Variants in NKX2-1 observed in about 807,000 individuals in gnomAD.
NKX2-1 encodes NK2 homeobox 1.
A neutral mutation model predicts 35.1 loss-of-function variants in NKX2-1; 9 were observed. The observed-to-expected ratio is 0.26, with a 90% CI of 0.15 to 0.45. The LOEUF (loss-of-function observed/expected upper bound fraction) is 0.45. NKX2-1 is among the 20% of genes least tolerant of loss of function. NKX2-1 has a pLI of 1.00. For missense variants in NKX2-1, 509 were observed against 589.1 expected (o/e 0.86, Z 1.41); for synonymous variants, 284 against 269.9 (o/e 1.05, Z -0.51).
chr14:36,518,157 A>G (rs1310909937), intron 2 of NKX2-1, 137 bp from the exon 3 acceptor site: 1 of 1,245,830 alleles, frequency 8.0e-7, no homozygotes, highest in Non-Finnish European at 1.1e-6. Context: ...CTGGGGCCCA[A>G]GAGGCCCATC....
Position 36,518,992 on chromosome 14 carries a change from G to A in NKX2-1, c.456C>T (p.Phe152=), listed in dbSNP as rs1293166168. 3.2e-6 allele frequency: 5 copies of A among 1,559,284 alleles called. No homozygotes were observed. The highest frequency in any genetic ancestry group is 4.3e-6 in the Non-Finnish European group (5 of 1,157,480). Residue 152 remains phenylalanine (F), a synonymous_variant, in exon 2 of 3, where the codon TTC becomes TTT. Coordinates refer to ENST00000354822, the MANE Select transcript of NKX2-1 (RefSeq NM_001079668.3). The part of the protein sequence containing the change: ...GWYGANPDPR[F]PAISRFMGPA... ...TGGGGCGGCCTCACTTACTGGCGGGGAAGCGCGGGTCTGGGTTGGCGCCGT... is the reference window on the plus strand; with the variant it reads ...TGGGGCGGCCTCACTTACTGGCGGGAAAGCGCGGGTCTGGGTTGGCGCCGT...
chr14:36,518,244 G>T (rs1881145846), intron 2 of NKX2-1, among the ~76,000 whole-genome samples: 1 of 152,126 alleles, frequency 6.6e-6, no homozygotes, highest in South Asian at 2.1e-4. Context: ...CCCCAACCCT[G>T]GCTGCCCTCC....
Position 36,517,683 on chromosome 14 carries a change from C to A in NKX2-1, c.801G>T (p.Gly267=). 3 of 1,562,552 alleles carry A rather than the reference C, an allele frequency of 1.9e-6. No homozygotes were observed. Among genetic ancestry groups the A allele is most frequent in the Non-Finnish European group, 2.6e-6 (3 of 1,154,968 alleles). Reference sequence around the variant, plus strand: ...GCGGGCACCCGGTGCCCCCGCCGCCCCCGCCGCCGCCGCTGTCCTGCTGCA... The same window carrying A: ...GCGGGCACCCGGTGCCCCCGCCGCCACCGCCGCCGCCGCTGTCCTGCTGCA... The part of the protein sequence containing the change: ...QQLQQDSGGG[G]GGGGTGCPQQ... The change falls in exon 3 of 3, where the codon GGG becomes GGT. Residue 267 remains glycine (G), a synonymous_variant. Coordinates refer to ENST00000354822, the MANE Select transcript of NKX2-1 (RefSeq NM_001079668.3).
At chr14:36,518,058 G>T in intron 2 of NKX2-1, 38 bp from the exon 3 acceptor site, 1 of 1,590,638 alleles carries the variant, frequency 6.3e-7, no homozygotes, top group Non-Finnish European at 8.5e-7. Flanking sequence ...CCGGGGCCAG[G>T]CCGAGCCAGG....
In NKX2-1 at chr14:36,517,102, AAAAG is replaced by A. The variant is rs1881059585; in HGVS notation, c.*172_*175del. On this transcript the variant is annotated 3_prime_UTR_variant, in exon 3 of 3. Transcript: ENST00000354822. ...AACCCACAAATTTTAGGGGGGGAAA[AAAAG>A]AAAGACGTCCAGCAGTTTGGCCTTT... 5.7e-6 allele frequency: 4 copies of A among 697,510 alleles called. 1 individual carries two copies. Among genetic ancestry groups the A allele is most frequent in the South Asian group, 5.4e-5 (2 of 36,744 alleles). 43.2% of individuals were successfully genotyped at this position (697,510 alleles called of 1,614,324 possible).
rs1002992360 is a variant in NKX2-1 at position 36,516,540 on chromosome 14, T to C, written c.*738A>G. The C allele has an allele frequency of 2.1e-5, 5 of 232,952 alleles. No homozygotes were observed. Among genetic ancestry groups the C allele is most frequent in the Admixed American group, 1.7e-4 (3 of 17,760 alleles). The allele number at this position is 232,952 out of a possible 1,614,324, so 14.4% of individuals were successfully genotyped here. A position where few individuals can be genotyped will look rare whatever the true frequency, so the allele number is the denominator to read the frequency against. ...CAAACTGCCAAATAATATACACAGA[T>C]TTGTCAATGCCCATAAAAAATGTGA... On this transcript the variant is annotated 3_prime_UTR_variant, in exon 3 of 3. Coordinates refer to ENST00000354822, the MANE Select transcript of NKX2-1 (RefSeq NM_001079668.3).
intron 1 of NKX2-1, chr14:36,519,592 A>C (rs1396227457): frequency 2.7e-5 from 42 of 1,533,660 alleles, no homozygotes; most frequent in Non-Finnish European, 3.5e-6. Flanking sequence ...TTAGGCAGCC[A>C]CCAGAGGCGG....
intron 1 of NKX2-1, among the ~76,000 whole-genome samples, 168 bp downstream of exon 1, chr14:36,519,885 G>A (rs1211763849): frequency 1.3e-5 from 2 of 152,134 alleles, no homozygotes; most frequent in African/African-American, 2.4e-5. Context: ...AGGTGGGGTG[G>A]GGGAGTAACA....
rs1566614683 is a variant in NKX2-1 at position 36,517,258 on chromosome 14, A to G, written c.*20T>C. On this transcript the variant is annotated 3_prime_UTR_variant, in exon 3 of 3. Coordinates refer to ENST00000354822, the MANE Select transcript of NKX2-1 (RefSeq NM_001079668.3). ...AAGCGGTGAGGCAGAGCGCTGGGCT[A>G]GGGCCGGCCCGGCGTCCTCTCACCA... 2 of 1,590,288 alleles carry G rather than the reference A, an allele frequency of 1.3e-6. No homozygotes were observed. Among genetic ancestry groups the G allele is most frequent in the East Asian group, 2.3e-5 (1 of 44,022 alleles).
intron 1 of NKX2-1, chr14:36,519,819 G>A: frequency 1.4e-6 from 2 of 1,383,464 alleles, no homozygotes; most frequent in Non-Finnish European, 1.9e-6. Context: ...AGCGGAGCGC[G>A]GGGAGGAGGT....
At chr14:36,519,915 G>T in intron 1 of NKX2-1, 138 bp downstream of exon 1, 1 of 1,340,600 alleles carries the variant, frequency 7.5e-7, no homozygotes, top group Non-Finnish European at 1.0e-6. Context: ...AGATGGTTGA[G>T]AGGAAGGAAG....
At chr14:36,519,533 G>T in intron 1 of NKX2-1, 163 bp from the exon 2 acceptor site, 1 of 1,535,862 alleles carries the variant, frequency 6.5e-7, no homozygotes, top group Non-Finnish European at 8.7e-7. Flanking sequence ...ATTGGCTTGA[G>T]TGGAGGCTCG....
At chr14:36,518,164 C>A in intron 2 of NKX2-1, 144 bp from the exon 3 acceptor site, 1 of 1,192,244 alleles carries the variant, frequency 8.4e-7, no homozygotes, top group Non-Finnish European at 1.2e-6. Flanking sequence ...CCAAGAGGCC[C>A]ATCCGCGGGG....
chr14:36,517,673 C>T lies in NKX2-1; in HGVS notation c.811G>A (p.Gly271Ser), dbSNP rs759694790. 1.9e-6 allele frequency: 3 copies of T among 1,552,574 alleles called. No individual in the cohort carries two copies. The African/African-American group carries it at 4.1e-5, about 21-fold the overall frequency. Residue 271 changes from glycine (G) to serine (S), a missense_variant, in exon 3 of 3, where the codon GGC becomes AGC. By Grantham distance (56) the Gly-to-Ser change is moderately conservative. Transcript: ENST00000354822. ...TGTTGCTGCTGCGGGCACCCGGTGC[C>T]CCCGCCGCCCCCGCCGCCGCCGCTG... is the stretch of plus-strand genomic sequence containing the variant. ...QDSGGGGGGGGTGCPQQQQAQ... is the reference protein window; with the variant it reads ...QDSGGGGGGGSTGCPQQQQAQ...
chr14:36,519,006 G>A lies in NKX2-1; in HGVS notation c.442C>T (p.Pro148Ser). ...ASGPGWYGAN[P>S]DPRFPAISRF... ...TTACTGGCGGGGAAGCGCGGGTCTG[G>A]GTTGGCGCCGTACCATCCGGGGCCA... The change falls in exon 2 of 3, where the codon CCA becomes TCA. Residue 148 changes from proline (P) to serine (S), a missense_variant. This residue lies in a region of NKX2-1 where 271 missense variants were observed against 284.1 expected (regional missense o/e 0.95). Coordinates refer to ENST00000354822, the MANE Select transcript of NKX2-1 (RefSeq NM_001079668.3). The A allele has an allele frequency of 6.4e-7, 1 of 1,574,738 alleles. No individual in the cohort carries two copies. The highest frequency in any genetic ancestry group is 8.6e-7 in the Non-Finnish European group (1 of 1,167,240).
chr14:36,517,296 T>C lies in NKX2-1; in HGVS notation c.1188A>G (p.Leu396=), dbSNP rs1881070025. 4 of 1,610,214 alleles carry C rather than the reference T, an allele frequency of 2.5e-6. No homozygotes were observed. The highest frequency in any genetic ancestry group is 3.4e-6 in the Non-Finnish European group (4 of 1,179,234). Residue 396 remains leucine, a synonymous_variant, in exon 3 of 3, where the codon CTA becomes CTG. Transcript: ENST00000354822. Reference sequence around the variant, plus strand: ...CGTCCTCTCACCAGGTCCGACCGTATAGCAAGGTGGAGCAGGACATGGTGC... The same window carrying C: ...CGTCCTCTCACCAGGTCCGACCGTACAGCAAGGTGGAGCAGGACATGGTGC... ...DYGTMSCSTL[L]YGRTW is the part of the protein sequence containing the mutation.
intron 2 of NKX2-1, 78 bp from the exon 3 acceptor site, chr14:36,518,098 C>A: frequency 6.5e-7 from 1 of 1,545,328 alleles, no homozygotes; most frequent in East Asian, 2.3e-5. Context: ...CATTGGCCCG[C>A]CCGGCCCGCC....
In NKX2-1 at chr14:36,520,198, C is replaced by T. The variant is rs1302643787; in HGVS notation, c.-69G>A. On this transcript the variant is annotated 5_prime_UTR_variant, in exon 1 of 3. Coordinates refer to ENST00000354822, the MANE Select transcript of NKX2-1 (RefSeq NM_001079668.3). ...GCGAGTCTGGGGACGAACCCTGGGGCCGCACTGTTGGTCTACGTGTCTGTC... is the reference window on the plus strand; with the variant it reads ...GCGAGTCTGGGGACGAACCCTGGGGTCGCACTGTTGGTCTACGTGTCTGTC... 5 of 1,588,980 alleles carry T rather than the reference C, an allele frequency of 3.1e-6. No homozygotes were observed. Among genetic ancestry groups the T allele is most frequent in the African/African-American group, 2.7e-5 (2 of 74,350 alleles).
chr14:36,519,965 T>C (rs1881272146), intron 1 of NKX2-1, 88 bp downstream of exon 1: 1 of 1,585,488 alleles, frequency 6.3e-7, no homozygotes, highest in Non-Finnish European at 8.6e-7. Context: ...AGTTACAAAG[T>C]GGAACCACTT....
Sources: gnomAD v4.1 joint callset for allele counts (sites outside exome capture counted in the v4.1 genomes callset) on GRCh38, gnomAD v4.1.1 for gene constraint, gnomAD v4.1.1 regional missense constraint, MANE v1.5 for transcripts, NCBI Gene and HGNC (gene_info 2026-07-23, HGNC 2026-07-21) for gene names.